Variants in FRMD4B observed in about 807,000 individuals in gnomAD.
FRMD4B encodes the protein FERM domain-containing protein 4B.
FRMD4B carries 74 observed loss-of-function variants against 141.5 expected under a neutral mutation model. That is an observed-to-expected ratio of 0.52 (90% CI 0.43 to 0.63). The LOEUF (loss-of-function observed/expected upper bound fraction) is 0.63, where lower values mean the gene tolerates loss of function less well. Among genes scored for constraint, FRMD4B ranks in the 30% least tolerant of loss-of-function variants. The probability of loss-of-function intolerance (pLI) is 0.00; values close to 1 mark genes in which losing one functional copy is unlikely to be tolerated. For missense variants in FRMD4B, 1,366 were observed against 1,253.4 expected (o/e 1.09, Z -1.36); for synonymous variants, 506 against 467.9 (o/e 1.08, Z -1.05).
intron 5 of FRMD4B, among the ~76,000 whole-genome samples, chr3:69,286,250 A>G (rs1700685549): frequency 6.6e-6 from 1 of 152,254 alleles, no homozygotes; most frequent in Admixed American, 6.5e-5. Flanking sequence ...GTAAATATGT[A>G]AGACTTTTGG....
At chr3:69,408,446 A>C (rs1329227149) in intron 2 of FRMD4B, among the ~76,000 whole-genome samples, 1 of 152,206 alleles carries the variant, frequency 6.6e-6, no homozygotes, top group African/African-American at 2.4e-5. Context: ...TTCTCCAGAA[A>C]GCCCTTGTTG....
chr3:69,193,528 A>C (rs1015656659), intron 17 of FRMD4B, 120 bp downstream of exon 17: 26 of 631,058 alleles, frequency 4.1e-5, no homozygotes, highest in Non-Finnish European at 7.2e-5. Flanking sequence ...AAGAAAACTT[A>C]GTTTTGATCA....
At chr3:69,511,263 A>C (rs1048691322) in intron 1 of FRMD4B, among the ~76,000 whole-genome samples, 2 of 151,984 alleles carry the variant, frequency 1.3e-5, no homozygotes, top group Non-Finnish European at 2.9e-5. Context: ...CTTTAAAACC[A>C]TGTTGGATAA....
intron 1 of FRMD4B, among the ~76,000 whole-genome samples, chr3:69,385,029 A>C (rs1279777979): frequency 1.3e-5 from 2 of 151,982 alleles, no homozygotes; most frequent in South Asian, 4.2e-4. Context: ...TATATTAACA[A>C]CCAAAGCACA....
chr3:69,253,036 A>T (rs898742435), intron 5 of FRMD4B, among the ~76,000 whole-genome samples: 2 of 152,118 alleles, frequency 1.3e-5, no homozygotes, highest in African/African-American at 4.8e-5. Context: ...CACACAGGAC[A>T]TCTCATTTTT....
chr3:69,224,781 C>G, intron 7 of FRMD4B, 91 bp from the exon 8 acceptor site: 1 of 703,766 alleles, frequency 1.4e-6, no homozygotes, highest in Non-Finnish European at 2.6e-6. Flanking sequence ...AAAAAAATAA[C>G]TATTTACAGC....
At chr3:69,483,881 C>A (rs1302738989) in intron 1 of FRMD4B, among the ~76,000 whole-genome samples, 1 of 152,128 alleles carries the variant, frequency 6.6e-6, no homozygotes, top group Admixed American at 6.5e-5. Context: ...TCACATTCAA[C>A]AAATAAATAA....
At chr3:69,191,179 G>A (rs1424146387) in intron 17 of FRMD4B, among the ~76,000 whole-genome samples, 1 of 152,198 alleles carries the variant, frequency 6.6e-6, no homozygotes, top group African/African-American at 2.4e-5. Context: ...AGCACTTCGA[G>A]AGGCCGAGGT....
At chr3:69,222,591 G>T (rs970295334) in intron 8 of FRMD4B, among the ~76,000 whole-genome samples, 1 of 151,970 alleles carries the variant, frequency 6.6e-6, no homozygotes, top group Non-Finnish European at 1.5e-5. Flanking sequence ...GGCCAACATG[G>T]TGAAATGTCG....
In FRMD4B at chr3:69,249,227, T is replaced by C; in HGVS notation, c.580A>G (p.Ser194Gly). Residue 194 changes from serine to glycine, a missense_variant and splice_region_variant, in exon 7 of 23, where the codon AGT (serine) becomes GGT (glycine). Transcript: ENST00000398540. ...ILQEAKGDYT[S>G]DENARKDLKT... is the part of the protein sequence containing the mutation. The stretch of plus-strand genomic sequence containing the variant: ...AATATCAGAAAAGAAAAGCATTACC[T>C]GGTATAATCTCCCTTGGCTTCCTAA... 6.4e-7 allele frequency: 1 copy of C among 1,565,128 alleles called. No homozygotes were observed. Among genetic ancestry groups the C allele is most frequent in the Non-Finnish European group, 8.8e-7 (1 of 1,140,278 alleles).
chr3:69,354,526 A>G (rs1703257426), intron 1 of FRMD4B, among the ~76,000 whole-genome samples: 1 of 152,146 alleles, frequency 6.6e-6, no homozygotes, highest in African/African-American at 2.4e-5. Flanking sequence ...AGTTGTATAT[A>G]TCCTTGGGAA....
At chr3:69,240,708 G>C (rs1187343134) in intron 7 of FRMD4B, among the ~76,000 whole-genome samples, 1 of 152,018 alleles carries the variant, frequency 6.6e-6, no homozygotes, top group Non-Finnish European at 1.5e-5. Context: ...CAAAAAAATG[G>C]ATTAACCGCA....
At chr3:69,241,462 A>C (rs929700397) in intron 7 of FRMD4B, among the ~76,000 whole-genome samples, 1 of 152,230 alleles carries the variant, frequency 6.6e-6, no homozygotes, top group Non-Finnish European at 1.5e-5. Flanking sequence ...ACTTCTCAAG[A>C]GTTTTCACAA....
intron 5 of FRMD4B, among the ~76,000 whole-genome samples, chr3:69,265,321 T>A: frequency 8.0e-6 from 1 of 124,834 alleles, no homozygotes; most frequent in Non-Finnish European, 1.6e-5. Flanking sequence ...TATATGCAGA[T>A]ATGAAAATGA....
chr3:69,389,416 T>G (rs1704335489), upstream of FRMD4B, among the ~76,000 whole-genome samples: 1 of 152,182 alleles, frequency 6.6e-6, no homozygotes, highest in Non-Finnish European at 1.5e-5. Flanking sequence ...TGCTTTCCTA[T>G]GACTTTCTGT....
At chr3:69,354,086 T>A (rs1703243313) in intron 1 of FRMD4B, among the ~76,000 whole-genome samples, 1 of 152,206 alleles carries the variant, frequency 6.6e-6, no homozygotes, top group Admixed American at 6.5e-5. Flanking sequence ...CACAGCCAGT[T>A]GATGTTAACA....
At chr3:69,499,115 A>G (rs58928344) in intron 1 of FRMD4B, among the ~76,000 whole-genome samples, 4,552 of 152,276 alleles carry the variant, frequency 0.03, 233 homozygotes, top group African/African-American at 0.1. Context: ...CGGTGAGTGC[A>G]AAGGTCCTGA....
At chr3:69,538,137 G>A (rs553457784) in intron 1 of FRMD4B, among the ~76,000 whole-genome samples, 23 of 152,248 alleles carry the variant, frequency 1.5e-4, no homozygotes, top group Middle Eastern at 6.8e-3. Flanking sequence ...CTATATGGTC[G>A]TCTTGTCACC....
At chr3:69,234,758 C>G (rs979621915) in intron 7 of FRMD4B, among the ~76,000 whole-genome samples, 1 of 152,172 alleles carries the variant, frequency 6.6e-6, no homozygotes, top group Non-Finnish European at 1.5e-5. Flanking sequence ...AGGCTCCACC[C>G]CAGACCTACT....
Sources: gnomAD v4.1 joint callset for allele counts (sites outside exome capture counted in the v4.1 genomes callset) on GRCh38, gnomAD v4.1.1 for gene constraint, MANE v1.5 for transcripts, NCBI Gene and HGNC (gene_info 2026-07-23, HGNC 2026-07-21) for gene names.